LZTS2: variants seen among roughly 807,000 people sequenced by gnomAD.
The protein encoded by LZTS2 is leucine zipper tumor suppressor 2.
LZTS2 carries 32 observed loss-of-function variants against 60.6 expected under a neutral mutation model. The ratio of observed to expected loss-of-function variants is 0.53; its 90% CI spans 0.40 to 0.71. The LOEUF is 0.71. LZTS2 is among the 30% of genes least tolerant of loss of function. LZTS2 has a pLI of 0.00. For synonymous variants in LZTS2, 360 were observed against 393.1 expected (o/e 0.92, Z 1.00); for missense variants, 792 against 901.9 (o/e 0.88, Z 1.56).
chr10:101,002,135 A>C, exon 1 of LZTS2: 1 of 166,364 alleles, frequency 6.0e-6, no homozygotes, highest in African/African-American at 2.4e-5. Flanking sequence ...AGGACCAGGG[A>C]CCTGTGCTTC....
chr10:101,002,771 C>A, exon 1 of LZTS2: 1 of 1,613,362 alleles, frequency 6.2e-7, no homozygotes, highest in African/African-American at 1.3e-5. Context: ...CCAGCTGTGC[C>A]CCCTAGGAAG....
exon 4 of LZTS2, chr10:101,007,458 G>A: frequency 6.8e-7 from 1 of 1,459,924 alleles, no homozygotes; most frequent in South Asian, 1.2e-5. Context: ...CTGTTCACAG[G>A]CGCTTCCAGC....
chr10:100,999,065 GC>G (rs1258287224), upstream of LZTS2: 1 of 152,238 alleles, frequency 6.6e-6, no homozygotes, highest in East Asian at 1.9e-4. Context: ...GCACCGGTTC[GC>G]CCCAGTGATT....
At chr10:100,997,570 A>G (rs1333212211), upstream of LZTS2, among the ~76,000 whole-genome samples, 2 of 142,482 alleles carry the variant, frequency 1.4e-5, no homozygotes, top group African/African-American at 5.0e-5. Context: ...GCGGTCGCGT[A>G]TTGGGTGCGG....
intron 3 of LZTS2, 25 bp downstream of exon 4, chr10:101,005,740 G>A (rs1039791135): frequency 6.5e-7 from 1 of 1,526,732 alleles, no homozygotes. Flanking sequence ...GAGGGGCAGG[G>A]AGCAGGGTCA....
At chr10:101,005,649 G>T in exon 3 of LZTS2, 1 of 1,609,344 alleles carries the variant, frequency 6.2e-7, no homozygotes. Context: ...AGCTGGAGCG[G>T]CGCTGCGCCA....
exon 4 of LZTS2, chr10:101,007,637 CCTCT>C: frequency 4.1e-6 from 5 of 1,226,026 alleles, no homozygotes; most frequent in Non-Finnish European, 5.2e-6. Context: ...AGCTCTGCAG[CCTCT>C]CTCCTGGAGT....
At chr10:101,004,993 C>T (rs911488622) in intron 2 of LZTS2, among the ~76,000 whole-genome samples, 7 of 152,262 alleles carry the variant, frequency 4.6e-5, no homozygotes, top group East Asian at 1.9e-4. Flanking sequence ...CCACTGCACC[C>T]GGCCAAGTGC....
At chr10:100,997,530 C>G (rs1170640445), upstream of LZTS2, among the ~76,000 whole-genome samples, 4 of 152,108 alleles carry the variant, frequency 2.6e-5, no homozygotes, top group East Asian at 7.7e-4. Flanking sequence ...CCAGCCGGCC[C>G]GCGCGGACCC....
chr10:101,007,088 G>GC lies in LZTS2; in HGVS notation c.1933dup (p.Arg645ProfsTer5). 2.5e-6 allele frequency: 4 copies of GC among 1,610,416 alleles called. No individual in the cohort carries two copies. The highest frequency in any genetic ancestry group is 1.1e-5 in the South Asian group (1 of 90,376). Reference sequence around the variant, plus strand: ...GCAGCAGCTCAGCCTGGAGCTGGAGGCCCGGGAGCTCGCTGACCTGGGCCT... The same window carrying GC: ...GCAGCAGCTCAGCCTGGAGCTGGAGGCCCCGGGAGCTCGCTGACCTGGGCCT... On this transcript the variant is annotated frameshift_variant, in exon 4 of 4. Transcript: ENST00000370220. LOFTEE classifies it high-confidence loss of function.
exon 1 of LZTS2, chr10:101,000,689 GC>G (rs1242838242): frequency 6.6e-6 from 1 of 152,338 alleles, no homozygotes; most frequent in African/African-American, 2.4e-5. Flanking sequence ...AGCCCCCTTG[GC>G]CCCCTAAGAA....
exon 1 of LZTS2, chr10:101,001,282 C>T (rs1274413733): frequency 6.6e-6 from 1 of 152,282 alleles, no homozygotes; most frequent in East Asian, 1.9e-4. Flanking sequence ...TTTCTAATGA[C>T]CCCTGATCCA....
chr10:100,999,626 G>A (rs1048995781), exon 1 of LZTS2: 1 of 152,186 alleles, frequency 6.6e-6, no homozygotes, highest in Non-Finnish European at 1.5e-5. Flanking sequence ...GCGTCGGAGG[G>A]AGGGCTCCCG....
At chr10:101,003,521 C>G (rs775977420) in exon 2 of LZTS2, 2 of 1,518,730 alleles carry the variant, frequency 1.3e-6, no homozygotes, top group Non-Finnish European at 1.8e-6. Context: ...TGGAGAAGAT[C>G]CTGATCCGCC....
exon 1 of LZTS2, chr10:101,001,737 G>C (rs1590033178): frequency 6.6e-6 from 1 of 152,398 alleles, no homozygotes. Context: ...GTTAGTTTGG[G>C]GACCTTCTGA....
At chr10:101,002,824 C>G in exon 1 of LZTS2, 2 of 1,613,876 alleles carry the variant, frequency 1.2e-6, no homozygotes, top group Non-Finnish European at 1.7e-6. Flanking sequence ...TGAGGACTTC[C>G]GGACAGAGTC....
upstream of LZTS2, chr10:100,997,290 C>T (rs997752124): frequency 1.3e-5 from 2 of 152,206 alleles, no homozygotes; most frequent in Admixed American, 6.5e-5. Context: ...CATCCCCGCT[C>T]CTGAACGAAC....
exon 3 of LZTS2, chr10:101,005,492 A>C: frequency 6.3e-7 from 1 of 1,576,012 alleles, no homozygotes; most frequent in Non-Finnish European, 8.6e-7. Context: ...TGGCAGCGAG[A>C]GCGTGAGGCC....
upstream of LZTS2, among the ~76,000 whole-genome samples, chr10:100,996,915 G>T (rs1296442631): frequency 6.6e-6 from 1 of 152,246 alleles, no homozygotes; most frequent in Non-Finnish European, 1.5e-5. Context: ...ACCAAATCCA[G>T]TAAGCTGTGA....
Sources: gnomAD v4.1 joint callset for allele counts (sites outside exome capture counted in the v4.1 genomes callset) on GRCh38, gnomAD v4.1.1 for gene constraint, MANE v1.5 for transcripts, NCBI Gene and HGNC (gene_info 2026-07-23, HGNC 2026-07-21) for gene names.